ZNF483: variants seen among roughly 807,000 people sequenced by gnomAD.
ZNF483 encodes the protein zinc finger protein 483.
In ZNF483, 9 loss-of-function variants were observed where a neutral mutation model predicts 28.6. The observed-to-expected ratio is 0.32, with a 90% CI of 0.19 to 0.55. The LOEUF (loss-of-function observed/expected upper bound fraction) is 0.55. ZNF483 is among the 20% of genes least tolerant of loss of function. The probability of loss-of-function intolerance (pLI) is 0.93; values close to 1 mark genes in which losing one functional copy is unlikely to be tolerated. For synonymous variants in ZNF483, 322 were observed against 306.2 expected, an observed-to-expected ratio of 1.05 and a Z score of -0.54; for missense variants, 675 against 871.7, an observed-to-expected ratio of 0.77 and a Z score of 2.84.
intron 5 of ZNF483, chr9:111,574,922 T>G (rs1828992733): frequency 9.1e-7 from 1 of 1,104,712 alleles, no homozygotes; most frequent in African/African-American, 1.6e-5. Flanking sequence ...CAAGCATTAT[T>G]TTACAATACC....
intron 5 of ZNF483, among the ~76,000 whole-genome samples, chr9:111,564,905 C>T (rs1164997894): frequency 6.6e-6 from 1 of 151,862 alleles, no homozygotes; most frequent in East Asian, 1.9e-4. Context: ...GGGTGGATCA[C>T]CCGAGGTCAG....
intron 5 of ZNF483, among the ~76,000 whole-genome samples, chr9:111,567,604 G>A (rs1828621172): frequency 6.6e-6 from 1 of 152,214 alleles, no homozygotes; most frequent in South Asian, 2.1e-4. Context: ...TGAAATCAGA[G>A]AGATATCAGG....
chr9:111,549,813 C>A lies in ZNF483; in HGVS notation c.*6643C>A, dbSNP rs759731304. On this transcript the variant is annotated 3_prime_UTR_variant, in exon 6 of 6. Coordinates refer to ENST00000309235, the MANE Select transcript of ZNF483 (RefSeq NM_133464.5). Reference sequence around the variant, plus strand: ...TTCTCTTTTGATCTGTCAACACAATCAGAACATTTAGCTCTTTGAGCATCT... The same window carrying A: ...TTCTCTTTTGATCTGTCAACACAATAAGAACATTTAGCTCTTTGAGCATCT... The A allele has an allele frequency of 8.8e-6, 13 of 1,480,028 alleles. No individual in the cohort carries two copies. Among genetic ancestry groups the A allele is most frequent in the Non-Finnish European group, 1.1e-5 (12 of 1,082,786 alleles). 91.7% of individuals were successfully genotyped at this position (1,480,028 alleles called of 1,614,324 possible). A position where few individuals can be genotyped will look rare whatever the true frequency, so the allele number is the denominator to read the frequency against.
At position 111,541,817 on chromosome 9, in the gene ZNF483, C is replaced by T. The variant is rs572042099; in HGVS notation, c.882C>T (p.Gly294=). The part of the protein sequence containing the change: ...RVAQNKTLGS[G]SRGKKFDPDK... ...CACAAAACAAAACTCTTGGGAGTGG[C>T]AGTAGGGGTAAGAAATTTGACCCAG... is the stretch of plus-strand genomic sequence containing the variant. Residue 294 remains glycine (G), a synonymous_variant, in exon 6 of 6, where the codon GGC becomes GGT. Transcript: ENST00000309235. 2.5e-6 allele frequency: 4 copies of T among 1,614,046 alleles called. No homozygotes were observed. In the Admixed American group the frequency reaches 5.0e-5, roughly 20 times the overall value.
In ZNF483 at chr9:111,551,730, A is replaced by G. The variant is rs944590244; in HGVS notation, c.*8560A>G. Among the ~76,000 whole-genome samples, 1 of 152,178 alleles carries G rather than the reference A, an allele frequency of 6.6e-6. No individual in the cohort carries two copies. Among genetic ancestry groups the G allele is most frequent in the African/African-American group, 2.4e-5 (1 of 41,448 alleles). On this transcript the variant is annotated 3_prime_UTR_variant, in exon 6 of 6. Coordinates refer to ENST00000309235, the MANE Select transcript of ZNF483 (RefSeq NM_133464.5). ...ATTTTTGTTTAAAATTTGCATCCAC[A>G]TTAACAAAACTTTTATTAGAAAAAT... is the stretch of plus-strand genomic sequence containing the variant.
chr9:111,527,386 C>G lies in ZNF483; in HGVS notation c.-10C>G, dbSNP rs373122981. 15 of 1,610,942 alleles carry G rather than the reference C, an allele frequency of 9.3e-6. No homozygotes were observed. In the African/African-American group the frequency reaches 1.9e-4, roughly 20 times the overall value. On this transcript the variant is annotated 5_prime_UTR_variant, in exon 2 of 6. Transcript: ENST00000309235. ...GTGTGAAGGGACTGGATTCCTGCCC[C>G]TGAGACACAATGCAAGCTGTAGTGC...
Position 111,549,598 on chromosome 9 carries a change from C to A in ZNF483, c.*6428C>A. 1.3e-6 allele frequency: 1 copy of A among 797,234 alleles called. No homozygotes were observed. The allele number at this position is 797,234 out of a possible 1,614,324, so 49.4% of individuals were successfully genotyped here. A position where few individuals can be genotyped will look rare whatever the true frequency, so the allele number is the denominator to read the frequency against. On this transcript the variant is annotated 3_prime_UTR_variant, in exon 6 of 6. Coordinates refer to ENST00000309235, the MANE Select transcript of ZNF483 (RefSeq NM_133464.5). ...TCAGAGTGGGTCGATAATCTACAAGCTTTGCTAAACCTACCTGTAGCTCTT... is the reference window on the plus strand; with the variant it reads ...TCAGAGTGGGTCGATAATCTACAAGATTTGCTAAACCTACCTGTAGCTCTT...
intron 5 of ZNF483, 141 bp downstream of exon 5, chr9:111,534,494 AT>A (rs1827431463): frequency 1.5e-6 from 1 of 686,802 alleles, no homozygotes; most frequent in Non-Finnish European, 2.4e-6. Flanking sequence ...TGAAATGTTC[AT>A]TTTAGTGGGG....
chr9:111,577,593 C>G (rs758951451), exon 6 of ZNF483: 1 of 152,298 alleles, frequency 6.6e-6, no homozygotes, highest in Non-Finnish European at 1.5e-5. Context: ...GCCTGTAATC[C>G]TAGCACTTTG....
At chr9:111,531,698 A>G (rs1351101929) in intron 3 of ZNF483, among the ~76,000 whole-genome samples, 1 of 151,796 alleles carries the variant, frequency 6.6e-6, no homozygotes, top group East Asian at 1.9e-4. Flanking sequence ...TTTTTAAGAG[A>G]TGGGGTCTTG....
intron 3 of ZNF483, among the ~76,000 whole-genome samples, chr9:111,532,748 G>A (rs1827380697): frequency 6.6e-6 from 1 of 152,056 alleles, no homozygotes; most frequent in Non-Finnish European, 1.5e-5. Context: ...TATAGAAAGT[G>A]TATTTCAAAA....
Position 111,544,497 on chromosome 9 carries a change from G to A in ZNF483, c.*1327G>A, listed in dbSNP as rs532119203. On this transcript the variant is annotated 3_prime_UTR_variant, in exon 6 of 6. Transcript: ENST00000309235. ...TATGTAAAGCACTCAGCTGGTCCTG[G>A]GTAGCAGCTGCCACCTTTTGATGGG... The A allele has an allele frequency of 2.5e-5, 10 of 396,178 alleles. No individual in the cohort carries two copies. Among genetic ancestry groups the A allele is most frequent in the Non-Finnish European group, 3.4e-5 (10 of 290,978 alleles). 24.5% of individuals were successfully genotyped at this position (396,178 alleles called of 1,614,324 possible).
intron 1 of ZNF483, among the ~76,000 whole-genome samples, chr9:111,525,739 A>G (rs970687719): frequency 2.0e-5 from 3 of 152,014 alleles, no homozygotes; most frequent in East Asian, 1.9e-4. Flanking sequence ...CTCCCTGTAG[A>G]CGGAGCCGAG....
chr9:111,563,335 T>G (rs1828396064), intron 5 of ZNF483: 1 of 1,180,668 alleles, frequency 8.5e-7, no homozygotes, highest in Non-Finnish European at 1.2e-6. Context: ...TTGGAAACCT[T>G]GAAAATAAGA....
intron 1 of ZNF483, 107 bp from the exon 2 acceptor site, chr9:111,527,161 C>T (rs1827203038): frequency 2.7e-6 from 1 of 368,156 alleles, no homozygotes; most frequent in South Asian, 6.9e-5. Context: ...TAGGCCTTTG[C>T]TGGTATGTGT....
At chr9:111,576,116 C>T (rs1159008689) in intron 5 of ZNF483, among the ~76,000 whole-genome samples, 1 of 151,038 alleles carries the variant, frequency 6.6e-6, no homozygotes, top group Admixed American at 6.6e-5. Context: ...GCTGTCATCA[C>T]ATACTGCACT....
At position 111,549,782 on chromosome 9, in the gene ZNF483, T is replaced by G. The variant is rs1827886271; in HGVS notation, c.*6612T>G. On this transcript the variant is annotated 3_prime_UTR_variant, in exon 6 of 6. Transcript: ENST00000309235. ...TTTCTGCTTTGAAGCTTCAATCTTC[T>G]TCATTTTCTCTTTTGATCTGTCAAC... 1.3e-6 allele frequency: 2 copies of G among 1,546,482 alleles called. No individual in the cohort carries two copies. The highest frequency in any genetic ancestry group is 2.4e-5 in the South Asian group (2 of 83,930).
chr9:111,573,542 G>A (rs1454325240), intron 5 of ZNF483, among the ~76,000 whole-genome samples: 1 of 152,178 alleles, frequency 6.6e-6, no homozygotes, highest in East Asian at 1.9e-4. Context: ...GAGTCTGGAA[G>A]ATTCCTTTTT....
chr9:111,561,139 GAGAGAGAGGGAGA>G (rs1564608044), intron 5 of ZNF483, among the ~76,000 whole-genome samples: 37 of 15,556 alleles, frequency 2.4e-3, no homozygotes, highest in African/African-American at 0.014. Context: ...AGAGAGAGAG[GAGAGAGAGGGAGA>G]GAGAGAGAGA....
Sources: gnomAD v4.1 joint callset for allele counts (sites outside exome capture counted in the v4.1 genomes callset) on GRCh38, gnomAD v4.1.1 for gene constraint, MANE v1.5 for transcripts, NCBI Gene and HGNC (gene_info 2026-07-23, HGNC 2026-07-21) for gene names.